RP1: variants seen among roughly 807,000 people sequenced by gnomAD.
The protein encoded by RP1 is RP1 axonemal microtubule associated, also known as oxygen-regulated protein 1.
Under a neutral mutation model 14.8 loss-of-function variants are expected in RP1, and 16 were observed. The ratio of observed to expected loss-of-function variants is 1.08; its 90% CI spans 0.73 to 1.65. The LOEUF (loss-of-function observed/expected upper bound fraction) is 1.65. Ranked by LOEUF, RP1 falls within the 40% of genes most tolerant of loss-of-function variation. The probability of loss-of-function intolerance (pLI) is 0.00; values close to 1 mark genes in which losing one functional copy is unlikely to be tolerated. For synonymous variants in RP1, 876 were observed against 883.6 expected (o/e 0.99, Z 0.15); for missense variants, 2,631 against 2,535.0 (o/e 1.04, Z -0.81).
chr8:54,659,125 G>A (rs959450098), intron 6 of RP1, among the ~76,000 whole-genome samples: 26 of 152,008 alleles, frequency 1.7e-4, no homozygotes, highest in African/African-American at 6.3e-4. Flanking sequence ...CTGGATATTA[G>A]CCTCATCAGA....
In RP1 at chr8:54,626,982, C is replaced by G. The variant is rs746848660; in HGVS notation, c.3100C>G (p.His1034Asp). The change falls in exon 4 of 4, where the codon CAT becomes GAT. Residue 1034 changes from histidine (H) to aspartate (D), a missense_variant. By Grantham distance (81) the His-to-Asp change is moderately conservative. Coordinates refer to ENST00000220676, the MANE Select transcript of RP1 (RefSeq NM_006269.2). ...CTLSQSAIND[H>D]NTKSHIAAEK... ...TTTGTCACAGTCAGCTATTAATGAT[C>G]ATAATACTAAAAGTCATATAGCTGC... 2.7e-5 allele frequency: 44 copies of G among 1,613,770 alleles called. No individual in the cohort carries two copies. Among genetic ancestry groups the G allele is most frequent in the Non-Finnish European group, 3.7e-5 (44 of 1,179,968 alleles).
At position 54,629,922 on chromosome 8, in the gene RP1, GGGTTAGA is replaced by G. The variant is rs1563333616; in HGVS notation, c.6043_6049del (p.Leu2015LysfsTer5). 3 of 1,613,908 alleles carry G rather than the reference GGGTTAGA, an allele frequency of 1.9e-6. No individual in the cohort carries two copies. The highest frequency in any genetic ancestry group is 2.5e-6 in the Non-Finnish European group (3 of 1,179,930). On this transcript the variant is annotated frameshift_variant, in exon 4 of 4. Coordinates refer to ENST00000220676, the MANE Select transcript of RP1 (RefSeq NM_006269.2). LOFTEE classifies it low-confidence loss of function (END_TRUNC). ...AAAACAAAAAAGAATTAACTTCTTG[GGGTTAGA>G]GGAAGAAGGTAATTTAAAGAAATTT...
At chr8:54,740,051 T>C (rs1401294604) in intron 19 of RP1, among the ~76,000 whole-genome samples, 1 of 149,466 alleles carries the variant, frequency 6.7e-6, no homozygotes, top group Non-Finnish European at 1.5e-5. Context: ...ATATATGTAA[T>C]TTAATATATA....
rs529201909 is a variant in RP1 at position 54,592,193 on chromosome 8, G to C, written c.-12-28762G>C. 3.9e-5 allele frequency among the ~76,000 whole-genome samples: 6 copies of C among 152,252 alleles called. No individual in the cohort carries two copies. The South Asian group carries it at 1.2e-3, about 32-fold the overall frequency. ...ATAAATTACCTTATGAATCTTTGTA[G>C]GGCAAAGAATGTTTCCTCCTGTAGG... On this transcript the variant is annotated intron_variant, in intron 1 of 22. Coordinates refer to the RP1 transcript ENST00000636932.
At chr8:54,606,356 T>C (rs1390157156) in intron 1 of RP1, among the ~76,000 whole-genome samples, 2 of 151,972 alleles carry the variant, frequency 1.3e-5, no homozygotes, top group Admixed American at 1.3e-4. Flanking sequence ...TCTTTAAGAA[T>C]GTTGAATATT....
intron 1 of RP1, among the ~76,000 whole-genome samples, chr8:54,603,585 G>T (rs1805350930): frequency 6.6e-6 from 1 of 152,064 alleles, no homozygotes; most frequent in African/African-American, 2.4e-5. Context: ...AAAGTCATTG[G>T]TAGCTTGATG....
chr8:54,820,203 T>C (rs112898765), intron 24 of RP1, among the ~76,000 whole-genome samples: 40 of 152,024 alleles, frequency 2.6e-4, no homozygotes, highest in African/African-American at 9.6e-4. Context: ...TCCCTCTCCT[T>C]TCCCCAAGCA....
chr8:54,864,150 G>A (rs1003059197), intron 27 of RP1, among the ~76,000 whole-genome samples: 4 of 152,076 alleles, frequency 2.6e-5, no homozygotes, highest in South Asian at 2.1e-4. Flanking sequence ...CTGTAGATTC[G>A]CAGCAAGAGG....
At chr8:54,622,559 T>A (rs947641180) in intron 3 of RP1, among the ~76,000 whole-genome samples, 45 of 152,346 alleles carry the variant, frequency 3.0e-4, no homozygotes, top group Middle Eastern at 3.4e-3. Flanking sequence ...GTTAAAAAAA[T>A]AAAAATGCCA....
downstream of RP1, among the ~76,000 whole-genome samples, chr8:54,631,436 T>A (rs2129319163): frequency 6.6e-6 from 1 of 152,232 alleles, no homozygotes; most frequent in African/African-American, 2.4e-5. Context: ...TTACATTAAT[T>A]TTGTGCCTAC....
downstream of RP1, among the ~76,000 whole-genome samples, chr8:54,774,558 G>A (rs1351615737): frequency 1.3e-5 from 2 of 152,202 alleles, no homozygotes; most frequent in African/African-American, 2.4e-5. Flanking sequence ...GTCAGGAAGT[G>A]TTAAGTGAGC....
intron 24 of RP1, among the ~76,000 whole-genome samples, chr8:54,798,752 T>C (rs1242410067): frequency 6.6e-6 from 1 of 152,196 alleles, no homozygotes; most frequent in African/African-American, 2.4e-5. Flanking sequence ...TTCATCTTTT[T>C]AGTTGCCACT....
chr8:54,753,508 G>C (rs935740170), intron 19 of RP1, among the ~76,000 whole-genome samples: 2 of 152,172 alleles, frequency 1.3e-5, no homozygotes, highest in Admixed American at 1.3e-4. Context: ...TGAAGGATGG[G>C]CAGACTCATC....
intron 3 of RP1, among the ~76,000 whole-genome samples, chr8:54,638,080 T>C (rs1480942361): frequency 2.0e-5 from 3 of 152,170 alleles, no homozygotes; most frequent in Non-Finnish European, 2.9e-5. Context: ...CTCTCTATAT[T>C]GAATGTCTTG....
At chr8:54,562,364 T>C (rs1000170304) in intron 1 of RP1, among the ~76,000 whole-genome samples, 8 of 152,226 alleles carry the variant, frequency 5.3e-5, no homozygotes, top group African/African-American at 1.9e-4. Context: ...ATTTGGTATA[T>C]AAACCAGTCT....
At chr8:54,814,266 A>G (rs1365277721) in intron 24 of RP1, among the ~76,000 whole-genome samples, 1 of 152,232 alleles carries the variant, frequency 6.6e-6, no homozygotes, top group Non-Finnish European at 1.5e-5. Flanking sequence ...AACTCTGAAA[A>G]TGAATGGGCC....
chr8:54,706,661 C>T (rs1808157409), intron 15 of RP1: 1 of 1,535,796 alleles, frequency 6.5e-7, no homozygotes, highest in South Asian at 1.2e-5. Flanking sequence ...GAACAGTAAG[C>T]ATCTGCTCTT....
intron 27 of RP1, among the ~76,000 whole-genome samples, chr8:54,859,220 G>A (rs577084805): frequency 4.6e-5 from 7 of 151,764 alleles, no homozygotes; most frequent in African/African-American, 1.7e-4. Flanking sequence ...GAGCAGCACT[G>A]TCACTGTAGA....
At chr8:54,852,629 G>A in exon 26 of RP1, 1 of 1,231,974 alleles carries the variant, frequency 8.1e-7, no homozygotes, top group Non-Finnish European at 1.0e-6. Context: ...CAGAAACAGA[G>A]TCTAATGTAT....
Sources: gnomAD v4.1 joint callset for allele counts (sites outside exome capture counted in the v4.1 genomes callset) on GRCh38, gnomAD v4.1.1 for gene constraint, MANE v1.5 for transcripts, NCBI Gene and HGNC (gene_info 2026-07-23, HGNC 2026-07-21) for gene names.